DRD2: variants seen among roughly 807,000 people sequenced by gnomAD.
The protein encoded by DRD2 is dopamine receptor D2, also known as D(2) dopamine receptor.
In DRD2, 8 loss-of-function variants were observed where a neutral mutation model predicts 38.0. The ratio of observed to expected loss-of-function variants is 0.21; its 90% CI spans 0.12 to 0.38. The LOEUF (loss-of-function observed/expected upper bound fraction) is 0.38. Ranked by LOEUF, DRD2 falls within the 10% of genes least tolerant of loss-of-function variation. DRD2 has a pLI of 1.00. For synonymous variants in DRD2, 230 were observed against 238.6 expected (o/e 0.96, Z 0.33); for missense variants, 403 against 607.7 (o/e 0.66, Z 3.54).
chr11:113,455,404 A>C (rs1951260054), intron 1 of DRD2, among the ~76,000 whole-genome samples: 1 of 152,124 alleles, frequency 6.6e-6, no homozygotes, highest in Non-Finnish European at 1.5e-5. Flanking sequence ...TTTGGCAATT[A>C]TTTTTTGCAT....
intron 6 of DRD2, among the ~76,000 whole-genome samples, 189 bp from the exon 7 acceptor site, chr11:113,413,072 C>G (rs1950786395): frequency 6.6e-6 from 1 of 151,646 alleles, no homozygotes; most frequent in South Asian, 2.1e-4. Context: ...CAGGATTGCC[C>G]CTGTCCTTTT....
At chr11:113,431,604 G>A (rs960962250) in intron 1 of DRD2, among the ~76,000 whole-genome samples, 1 of 152,208 alleles carries the variant, frequency 6.6e-6, no homozygotes. Context: ...ACCCCTGCCT[G>A]TCAAGTTCTT....
intron 1 of DRD2, among the ~76,000 whole-genome samples, chr11:113,443,975 G>A (rs1951117307): frequency 6.6e-6 from 1 of 152,156 alleles, no homozygotes; most frequent in African/African-American, 2.4e-5. Context: ...AAAGTACTAT[G>A]GGCACACTTA....
intron 1 of DRD2, among the ~76,000 whole-genome samples, chr11:113,435,661 A>T (rs1045826604): frequency 8.8e-6 from 1 of 113,788 alleles, no homozygotes; most frequent in Non-Finnish European, 1.8e-5. Context: ...TTCCTCCTCA[A>T]TTTGCCCCCA....
intron 1 of DRD2, among the ~76,000 whole-genome samples, chr11:113,447,269 G>C (rs1393861594): frequency 6.6e-6 from 1 of 152,120 alleles, no homozygotes; most frequent in South Asian, 2.1e-4. Flanking sequence ...AATTGCTCAG[G>C]CTCCGTGATG....
chr11:113,420,070 G>T (rs1004314307), intron 2 of DRD2, among the ~76,000 whole-genome samples: 2 of 152,138 alleles, frequency 1.3e-5, no homozygotes, highest in East Asian at 3.9e-4. Context: ...TGTGCCTTTA[G>T]GGTACCACTG....
Position 113,439,838 on chromosome 11 carries a change from C to CAAA in DRD2, c.-31-15159_-31-15157dup, listed in dbSNP as rs67577307. On this transcript the variant is annotated intron_variant, in intron 1 of 7. Transcript: ENST00000362072. ...TGGGTGACAGAGGGAGGCTCTGTCT[C>CAAA]AAAAAAAAAAAAAAAAAAAAAAAAA... Among the ~76,000 whole-genome samples the CAAA allele has an allele frequency of 6.4e-3, 104 of 16,254 alleles. 40 individuals are homozygous for CAAA. Among genetic ancestry groups the CAAA allele is most frequent in the East Asian group, 0.012 (2 of 166 alleles). 10.7% of individuals were successfully genotyped at this position (16,254 alleles called of 152,430 possible). A position where few individuals can be genotyped will look rare whatever the true frequency, so the allele number is the denominator to read the frequency against.
chr11:113,471,222 T>C (rs562473356), intron 1 of DRD2, among the ~76,000 whole-genome samples: 1 of 152,300 alleles, frequency 6.6e-6, no homozygotes, highest in Admixed American at 6.5e-5. Flanking sequence ...TTTGCATCCA[T>C]TTAAGTACAG....
chr11:113,425,065 T>C (rs149248319), intron 1 of DRD2: 15 of 279,974 alleles, frequency 5.4e-5, no homozygotes, highest in African/African-American at 3.3e-4. Flanking sequence ...CTTGATTCTA[T>C]AAATATTTAT....
chr11:113,439,321 C>T (rs1951065523), intron 1 of DRD2, among the ~76,000 whole-genome samples: 1 of 152,094 alleles, frequency 6.6e-6, no homozygotes, highest in Non-Finnish European at 1.5e-5. Context: ...TGACGGTGCT[C>T]CTTTGAACAG....
intron 1 of DRD2, among the ~76,000 whole-genome samples, chr11:113,454,764 T>C (rs1406048593): frequency 6.6e-6 from 1 of 152,346 alleles, no homozygotes; most frequent in African/African-American, 2.4e-5. Flanking sequence ...TACAATGGGA[T>C]ATTATTCAGC....
At chr11:113,473,911 C>G (rs1008395506) in intron 1 of DRD2, among the ~76,000 whole-genome samples, 35 of 152,156 alleles carry the variant, frequency 2.3e-4, no homozygotes, top group Admixed American at 6.5e-5. Flanking sequence ...TGGGGAGAAT[C>G]GTTGAACATC....
At chr11:113,435,889 C>G (rs963710812) in intron 1 of DRD2, among the ~76,000 whole-genome samples, 3 of 152,166 alleles carry the variant, frequency 2.0e-5, no homozygotes, top group Non-Finnish European at 4.4e-5. Flanking sequence ...AAATCCTGAA[C>G]CTTATTGCTC....
In DRD2 at chr11:113,424,662, G is replaced by A. The variant is rs1434693698; in HGVS notation, c.-11C>T. The A allele has an allele frequency of 1.2e-6, 2 of 1,613,918 alleles. No homozygotes were observed. The highest frequency in any genetic ancestry group is 1.1e-5 in the South Asian group (1 of 91,080). Reference sequence around the variant, plus strand: ...ATTCAGTGGATCCATCAGGGCGGTGGAGCCACTGGGTGGCCAGGCTCTGGC... The same window carrying A: ...ATTCAGTGGATCCATCAGGGCGGTGAAGCCACTGGGTGGCCAGGCTCTGGC... On this transcript the variant is annotated 5_prime_UTR_variant, in exon 2 of 8. Transcript: ENST00000362072.
intron 1 of DRD2, among the ~76,000 whole-genome samples, chr11:113,443,110 T>A (rs1951109117): frequency 6.6e-6 from 1 of 152,204 alleles, no homozygotes. Flanking sequence ...CACCAGCATC[T>A]CTGTTACCAG....
At chr11:113,447,875 G>A (rs1363704352) in intron 1 of DRD2, among the ~76,000 whole-genome samples, 2 of 152,212 alleles carry the variant, frequency 1.3e-5, no homozygotes, top group Non-Finnish European at 2.9e-5. Context: ...ATTCTAATCT[G>A]CCATGATGCG....
At chr11:113,459,315 A>C (rs975440572) in intron 1 of DRD2, among the ~76,000 whole-genome samples, 6 of 152,236 alleles carry the variant, frequency 3.9e-5, no homozygotes, top group African/African-American at 1.4e-4. Flanking sequence ...ATGTGTTTTA[A>C]AGCAAGGTTT....
At position 113,452,379 on chromosome 11, in the gene DRD2, G is replaced by A. The variant is rs1484456910; in HGVS notation, c.-32+22697C>T. ...AGAAGATGGGGAAAGCTTGTCTGAA[G>A]TTTAGCCCTTGCTTTCCATGTTGAG... On this transcript the variant is annotated intron_variant, in intron 1 of 7. Transcript: ENST00000362072. Among the ~76,000 whole-genome samples, 3 of 151,826 alleles carry A rather than the reference G, an allele frequency of 2.0e-5. No individual in the cohort carries two copies. In the East Asian group the frequency reaches 5.9e-4, roughly 30 times the overall value.
intron 1 of DRD2, among the ~76,000 whole-genome samples, chr11:113,460,479 G>A (rs1284214217): frequency 6.6e-6 from 1 of 152,366 alleles, no homozygotes; most frequent in East Asian, 1.9e-4. Context: ...TGGGGTCAGA[G>A]GCTCCACCTG....
Sources: gnomAD v4.1 joint callset for allele counts (sites outside exome capture counted in the v4.1 genomes callset) on GRCh38, gnomAD v4.1.1 for gene constraint, MANE v1.5 for transcripts, NCBI Gene and HGNC (gene_info 2026-07-23, HGNC 2026-07-21) for gene names.